IMMP2L: variants seen among roughly 807,000 people sequenced by gnomAD.
IMMP2L encodes inner mitochondrial membrane peptidase subunit 2, also known as mitochondrial inner membrane protease subunit 2.
A neutral mutation model predicts 19.3 loss-of-function variants in IMMP2L; 18 were observed. The ratio of observed to expected loss-of-function variants is 0.93; its 90% CI spans 0.64 to 1.38. The LOEUF (loss-of-function observed/expected upper bound fraction) is 1.38, where lower values mean the gene tolerates loss of function less well. Among genes scored for constraint, IMMP2L ranks in the 40% most tolerant of loss-of-function variants. The probability of loss-of-function intolerance (pLI) is 0.00; values close to 1 mark genes in which losing one functional copy is unlikely to be tolerated. For missense variants in IMMP2L, 233 were observed against 218.2 expected (o/e 1.07, Z -0.43); for synonymous variants, 76 against 73.0 (o/e 1.04, Z -0.21).
intron 5 of IMMP2L, among the ~76,000 whole-genome samples, chr7:110,713,612 T>C (rs546910168): frequency 2.9e-4 from 44 of 152,018 alleles, no homozygotes; most frequent in African/African-American, 9.9e-4. Context: ...GTTCTCCTTG[T>C]AGAGATCTTC....
At chr7:111,045,704 G>T (rs1792327961) in intron 3 of IMMP2L, among the ~76,000 whole-genome samples, 1 of 152,192 alleles carries the variant, frequency 6.6e-6, no homozygotes, top group African/African-American at 2.4e-5. Context: ...ATGCAGGCAG[G>T]CTGTAGAGGC....
chr7:111,511,989 T>C (rs1453047962), intron 2 of IMMP2L, among the ~76,000 whole-genome samples: 4 of 152,122 alleles, frequency 2.6e-5, no homozygotes, highest in Non-Finnish European at 5.9e-5. Context: ...CTTTAGAAGT[T>C]AAACATAAAT....
At chr7:110,687,285 C>T (rs1490328614) in intron 5 of IMMP2L, among the ~76,000 whole-genome samples, 2 of 152,052 alleles carry the variant, frequency 1.3e-5, no homozygotes, top group East Asian at 3.9e-4. Context: ...TAAAAAATGA[C>T]TCTCTTCTAC....
intron 5 of IMMP2L, among the ~76,000 whole-genome samples, chr7:110,683,992 A>T (rs1792927103): frequency 6.6e-6 from 1 of 152,152 alleles, no homozygotes; most frequent in East Asian, 1.9e-4. Context: ...AAGACATTTG[A>T]ATTTCCATAT....
intron 3 of IMMP2L, among the ~76,000 whole-genome samples, chr7:111,225,609 A>G (rs1812999041): frequency 6.6e-6 from 1 of 151,506 alleles, no homozygotes; most frequent in African/African-American, 2.4e-5. Context: ...TCAATATAAT[A>G]TCAAAGAAGA....
intron 3 of IMMP2L, among the ~76,000 whole-genome samples, chr7:111,307,869 A>G (rs1295447826): frequency 6.6e-6 from 1 of 151,918 alleles, no homozygotes; most frequent in Non-Finnish European, 1.5e-5. Context: ...TAATAAAAAT[A>G]AGTTCCATAA....
At chr7:110,694,810 A>G (rs1793758320) in intron 5 of IMMP2L, among the ~76,000 whole-genome samples, 1 of 152,222 alleles carries the variant, frequency 6.6e-6, no homozygotes, top group African/African-American at 2.4e-5. Context: ...AATAGTTAAA[A>G]GTGACTGGAT....
At chr7:111,380,305 T>C (rs1006220521) in intron 3 of IMMP2L, among the ~76,000 whole-genome samples, 1 of 151,988 alleles carries the variant, frequency 6.6e-6, no homozygotes, top group Admixed American at 6.6e-5. Context: ...AAATAGATTA[T>C]ATATTCATTG....
intron 3 of IMMP2L, among the ~76,000 whole-genome samples, chr7:111,425,672 C>T (rs1451306924): frequency 6.6e-6 from 1 of 151,026 alleles, no homozygotes; most frequent in Non-Finnish European, 1.5e-5. Flanking sequence ...TAATAAAATA[C>T]ATTTTCAAAT....
chr7:111,348,329 T>C (rs919952013), intron 3 of IMMP2L, among the ~76,000 whole-genome samples: 3 of 152,120 alleles, frequency 2.0e-5, no homozygotes, highest in African/African-American at 4.8e-5. Flanking sequence ...GATGAAATAC[T>C]TCTAAAGTGC....
At chr7:110,788,193 G>A (rs68145477) in intron 5 of IMMP2L, among the ~76,000 whole-genome samples, 45,031 of 151,688 alleles carry the variant, frequency 0.3, 8,225 homozygotes, top group East Asian at 0.68. Flanking sequence ...CAAACTCTTC[G>A]AAATAGATGT....
chr7:111,451,293 C>T (rs1839141736), intron 3 of IMMP2L, among the ~76,000 whole-genome samples: 1 of 150,300 alleles, frequency 6.7e-6, no homozygotes, highest in Non-Finnish European at 1.5e-5. Context: ...TTCACAATAG[C>T]AAAGACTTGG....
At chr7:111,162,226 CATGT>C (rs1007992723) in intron 3 of IMMP2L, among the ~76,000 whole-genome samples, 23 of 151,926 alleles carry the variant, frequency 1.5e-4, no homozygotes, top group African/African-American at 5.3e-4. Context: ...AAATGCATTA[CATGT>C]ATGTATTTCC....
At position 111,335,097 on chromosome 7, in the gene IMMP2L, C is replaced by A. The variant is rs373142108; in HGVS notation, c.239+152141G>T. 2.0e-4 allele frequency among the ~76,000 whole-genome samples: 31 copies of A among 152,126 alleles called. No individual in the cohort carries two copies. In the South Asian group the frequency reaches 6.2e-3, roughly 31 times the overall value. On this transcript the variant is annotated intron_variant, in intron 3 of 5. Transcript: ENST00000405709. ...ACACTTACCGATGCTCTTCTGGAAT[C>A]TAAACCTTAACACTGGCATAAGAAG...
intron 3 of IMMP2L, among the ~76,000 whole-genome samples, chr7:111,449,245 A>G: frequency 7.0e-6 from 1 of 143,050 alleles, no homozygotes; most frequent in Non-Finnish European, 1.5e-5. Context: ...AGCCGGGCAG[A>G]GACACAACAA....
chr7:110,937,850 A>G (rs1183821873), intron 4 of IMMP2L, among the ~76,000 whole-genome samples: 1 of 152,174 alleles, frequency 6.6e-6, no homozygotes, highest in East Asian at 1.9e-4. Context: ...CTCAGTTTCA[A>G]CTGTGTTAAG....
intron 5 of IMMP2L, among the ~76,000 whole-genome samples, chr7:110,705,040 T>C (rs1245146853): frequency 6.6e-6 from 1 of 152,216 alleles, no homozygotes; most frequent in Admixed American, 6.5e-5. Context: ...AGCTCATTAT[T>C]ATTATTTCCA....
chr7:111,089,673 C>G (rs1421254769), intron 3 of IMMP2L, among the ~76,000 whole-genome samples: 1 of 151,870 alleles, frequency 6.6e-6, no homozygotes, highest in African/African-American at 2.4e-5. Flanking sequence ...ACTAGAGTAT[C>G]CAGTAAATAA....
chr7:110,901,898 C>T (rs2129547293), intron 4 of IMMP2L, among the ~76,000 whole-genome samples: 1 of 152,064 alleles, frequency 6.6e-6, no homozygotes, highest in Middle Eastern at 3.4e-3. Flanking sequence ...AGATATTTGG[C>T]AGAATTAGAT....
Sources: gnomAD v4.1 joint callset for allele counts (sites outside exome capture counted in the v4.1 genomes callset) on GRCh38, gnomAD v4.1.1 for gene constraint, MANE v1.5 for transcripts, NCBI Gene and HGNC (gene_info 2026-07-23, HGNC 2026-07-21) for gene names.